VWA5B1: variants seen among roughly 807,000 people sequenced by gnomAD.
VWA5B1 encodes von Willebrand factor A domain containing 5B1.
A neutral mutation model predicts 118.2 loss-of-function variants in VWA5B1; 115 were observed. The ratio of observed to expected loss-of-function variants is 0.97; its 90% confidence interval spans 0.84 to 1.14. The LOEUF (loss-of-function observed/expected upper bound fraction) is 1.14, where lower values mean the gene tolerates loss of function less well. VWA5B1 is among the 50% of genes most tolerant of loss of function. The pLI is 0.00. For missense variants in VWA5B1, 1,596 were observed against 1,603.8 expected (o/e 1.00, Z 0.08); for synonymous variants, 682 against 658.4 (o/e 1.04, Z -0.55).
intron 20 of VWA5B1, 118 bp from the exon 21 acceptor site, chr1:20,351,937 C>A: frequency 3.0e-6 from 2 of 677,150 alleles, no homozygotes; most frequent in South Asian, 2.1e-5. Context: ...CCTTAGCTAT[C>A]AGATAAGGAG....
chr1:20,319,638 G>T (rs2089144510), intron 7 of VWA5B1, 132 bp downstream of exon 7: 1 of 1,354,726 alleles, frequency 7.4e-7, no homozygotes, highest in Non-Finnish European at 9.9e-7. Context: ...CAGACACCAG[G>T]CAAGAAGTGT....
intron 15 of VWA5B1, 110 bp downstream of exon 15, chr1:20,342,719 G>A (rs1389371822): frequency 4.5e-6 from 6 of 1,325,304 alleles, no homozygotes; most frequent in Non-Finnish European, 5.0e-6. Flanking sequence ...CTGTCCCCTT[G>A]TGGTCTGCTG....
At chr1:20,337,996 G>GAGGACACCTTCCAAATC in intron 14 of VWA5B1, 160 bp downstream of exon 14, 1 of 915,768 alleles carries the variant, frequency 1.1e-6, no homozygotes, top group East Asian at 2.6e-5. Flanking sequence ...CCTTACCTCC[G>GAGGACACCTTCCAAATC]AGGACACCTT....
intron 1 of VWA5B1, among the ~76,000 whole-genome samples, chr1:20,304,693 G>C (rs948549123): frequency 6.6e-6 from 1 of 152,118 alleles, no homozygotes; most frequent in African/African-American, 2.4e-5. Flanking sequence ...GCAATGGGAA[G>C]AGAGAAGAGA....
chr1:20,352,260 T>A (rs1037515294), intron 21 of VWA5B1, 88 bp downstream of exon 21: 7 of 998,116 alleles, frequency 7.0e-6, no homozygotes, highest in Admixed American at 2.7e-5. Context: ...CCTCTCCACT[T>A]CCTCAAAGAG....
rs775106232 is a variant in VWA5B1 at position 20,310,677 on chromosome 1, G to A, written c.76G>A (p.Gly26Ser). The A allele has an allele frequency of 2.3e-5, 36 of 1,550,896 alleles. No homozygotes were observed. In the African/African-American group the frequency reaches 3.6e-4, roughly 15 times the overall value. Residue 26 changes from glycine (G) to serine (S), a missense_variant, in exon 2 of 22, where the codon GGT becomes AGT. Physicochemically the swap from Gly to Ser is moderately conservative, Grantham distance 56. Transcript: ENST00000289815. ...TASDVTSCVS[G>S]YALGLTASLT... Reference sequence around the variant, plus strand: ...GTCTGATGTTACCTCCTGTGTCAGCGGTTATGCCCTGGGCCTAACTGCCTC... The same window carrying A: ...GTCTGATGTTACCTCCTGTGTCAGCAGTTATGCCCTGGGCCTAACTGCCTC...
chr1:20,329,733 A>G (rs938917191), intron 9 of VWA5B1, among the ~76,000 whole-genome samples: 1 of 152,014 alleles, frequency 6.6e-6, no homozygotes, highest in Non-Finnish European at 1.5e-5. Context: ...GAGCAAGGAA[A>G]TCTGAAGCCT....
At chr1:20,299,790 C>G (rs550763071) in intron 1 of VWA5B1, among the ~76,000 whole-genome samples, 1 of 152,326 alleles carries the variant, frequency 6.6e-6, no homozygotes, top group Non-Finnish European at 1.5e-5. Context: ...GGGTACTGAT[C>G]TACTGTCTCC....
intron 1 of VWA5B1, among the ~76,000 whole-genome samples, chr1:20,296,275 C>T (rs1191156668): frequency 6.6e-6 from 1 of 152,176 alleles, no homozygotes; most frequent in Non-Finnish European, 1.5e-5. Flanking sequence ...AGCGTTGATC[C>T]CTGCCCTTCA....
At chr1:20,293,429 G>A (rs543600131) in intron 1 of VWA5B1, among the ~76,000 whole-genome samples, 3 of 152,354 alleles carry the variant, frequency 2.0e-5, no homozygotes, top group South Asian at 2.1e-4. Flanking sequence ...ACTCCTCCAG[G>A]CCACTGGCCT....
intron 1 of VWA5B1, among the ~76,000 whole-genome samples, chr1:20,301,946 A>G (rs769050182): frequency 7.9e-5 from 12 of 152,198 alleles, no homozygotes; most frequent in Non-Finnish European, 1.6e-4. Flanking sequence ...GTTTCTGTAT[A>G]TGTAAACCAC....
intron 8 of VWA5B1, among the ~76,000 whole-genome samples, chr1:20,326,458 G>T (rs1156702948): frequency 6.6e-6 from 1 of 152,004 alleles, no homozygotes; most frequent in Admixed American, 6.6e-5. Context: ...GAACTGTGGG[G>T]TTTTTTTGTT....
At chr1:20,310,328 A>G (rs1415362919) in intron 1 of VWA5B1, among the ~76,000 whole-genome samples, 1 of 152,174 alleles carries the variant, frequency 6.6e-6, no homozygotes, top group Non-Finnish European at 1.5e-5. Flanking sequence ...AGTGAATCCC[A>G]GCAGGTCACA....
chr1:20,328,290 G>A (rs981111714), intron 9 of VWA5B1, among the ~76,000 whole-genome samples: 3 of 152,160 alleles, frequency 2.0e-5, no homozygotes, highest in Non-Finnish European at 2.9e-5. Context: ...GGTAGAGAGA[G>A]GACATAGCCC....
Position 20,350,219 on chromosome 1 carries a change from G to A in VWA5B1, c.2942G>A (p.Gly981Asp). ...AGGTCCCCCGGCCGCGAGAAGCACG[G>A]TGCTTCTGAAGGTGAGTGGGCAGGT... Reference protein sequence around the residue: ...EARSPGREKHGASEGPQRSLA... With the variant: ...EARSPGREKHDASEGPQRSLA... Residue 981 changes from glycine (G) to aspartate (D), a missense_variant, in exon 19 of 22, where the codon GGT (glycine) becomes GAT (aspartate). Coordinates refer to ENST00000289815, the MANE Select transcript of VWA5B1 (RefSeq NM_001039500.3). The A allele has an allele frequency of 7.1e-6, 11 of 1,551,130 alleles. No individual in the cohort carries two copies. Among genetic ancestry groups the A allele is most frequent in the Non-Finnish European group, 8.7e-6 (10 of 1,146,990 alleles).
intron 1 of VWA5B1, among the ~76,000 whole-genome samples, chr1:20,291,353 CTTTCTT>C (rs1557821874): frequency 7.3e-4 from 91 of 124,308 alleles, no homozygotes; most frequent in Admixed American, 1.6e-3. Context: ...TTCTTTCTTT[CTTTCTT>C]TCTCTCTCTC....
At chr1:20,338,152 C>A in intron 14 of VWA5B1, 1 of 510,706 alleles carries the variant, frequency 2.0e-6, no homozygotes, top group Non-Finnish European at 3.8e-6. Context: ...CACCTTGGCT[C>A]AGTACAGATG....
In VWA5B1 at chr1:20,342,952, C is replaced by T. The variant is rs1570206562; in HGVS notation, c.2312-127C>T. The T allele has an allele frequency of 6.3e-6, 9 of 1,433,012 alleles. No homozygotes were observed. The East Asian group carries it at 2.3e-4, about 36-fold the overall frequency. The allele number at this position is 1,433,012 out of a possible 1,614,324, so 88.8% of individuals were successfully genotyped here. On this transcript the variant is annotated intron_variant, in intron 15 of 21. Coordinates refer to ENST00000289815, the MANE Select transcript of VWA5B1 (RefSeq NM_001039500.3). ...GGAAAGCAGTTGGAGTTGCCTGTTC[C>T]CTGGGGAGATGGAGTGGGTTGTACT...
intron 1 of VWA5B1, among the ~76,000 whole-genome samples, chr1:20,292,205 T>C (rs1032814454): frequency 7.4e-5 from 10 of 135,322 alleles, no homozygotes; most frequent in Admixed American, 6.5e-4. Context: ...TCCTTCCTTC[T>C]TTTTTTTTTT....
Sources: gnomAD v4.1 joint callset for allele counts (sites outside exome capture counted in the v4.1 genomes callset) on GRCh38, gnomAD v4.1.1 for gene constraint, MANE v1.5 for transcripts, NCBI Gene and HGNC (gene_info 2026-07-23, HGNC 2026-07-21) for gene names.